Variants in WDR4 observed in about 807,000 individuals in gnomAD.
WDR4 encodes the protein WDR4 tRNA N7-guanosine methyltransferase non-catalytic subunit, also known as tRNA (guanine-N(7)-)-methyltransferase non-catalytic subunit WDR4.
Under a neutral mutation model 48.6 loss-of-function variants are expected in WDR4, and 47 were observed. The ratio of observed to expected loss-of-function variants is 0.97; its 90% CI spans 0.77 to 1.23. The LOEUF (loss-of-function observed/expected upper bound fraction) is 1.23, where lower values mean the gene tolerates loss of function less well. Among genes scored for constraint, WDR4 ranks in the 50% most tolerant of loss-of-function variants. The pLI is 0.00. For synonymous variants in WDR4, 268 were observed against 230.0 expected, an observed-to-expected ratio of 1.17 and a Z score of -1.49; for missense variants, 606 against 551.6, an observed-to-expected ratio of 1.10 and a Z score of -0.99.
Position 42,878,041 on chromosome 21 carries a change from CAAAAAAAA to C in WDR4, c.90-1282_90-1275del, listed in dbSNP as rs60952239. ...GCCTGGGCGACAAAGCGAGACTCCT[CAAAAAAAA>C]AAAAAAAGAAAAAAAAGAAATTATG... On this transcript the variant is annotated intron_variant, in intron 1 of 10. Transcript: ENST00000398208. 6.1e-5 allele frequency among the ~76,000 whole-genome samples: 7 copies of C among 114,856 alleles called. No individual in the cohort carries two copies. The East Asian group carries it at 2.0e-3, about 33-fold the overall frequency. The allele number at this position is 114,856 out of a possible 152,430, so 75.3% of individuals were successfully genotyped here.
At chr21:42,857,563 G>A (rs1163156755) in intron 6 of WDR4, among the ~76,000 whole-genome samples, 1 of 152,160 alleles carries the variant, frequency 6.6e-6, no homozygotes, top group Admixed American at 6.5e-5. Context: ...AGGCCAGGAA[G>A]AAATTGAAGA....
chr21:42,882,222 G>T (rs866912376), upstream of WDR4, among the ~76,000 whole-genome samples: 1 of 148,410 alleles, frequency 6.7e-6, no homozygotes, highest in African/African-American at 2.5e-5. Context: ...ATAAATCATT[G>T]ATTACATTAG....
intron 1 of WDR4, among the ~76,000 whole-genome samples, chr21:42,877,138 ATTTTTTTTT>A (rs35841350): frequency 1.1e-4 from 11 of 97,380 alleles, no homozygotes; most frequent in Non-Finnish European, 2.0e-4. Context: ...CCTGGCCCTA[ATTTTTTTTT>A]TTTTTTTTTT....
At chr21:42,844,695 T>C (rs2057696328), downstream of WDR4, among the ~76,000 whole-genome samples, 3 of 151,712 alleles carry the variant, frequency 2.0e-5, no homozygotes, top group Admixed American at 2.0e-4. Context: ...GGGGCAGGAG[T>C]GCCAGCGAGA....
At chr21:42,868,717 C>G (rs2058305103) in intron 3 of WDR4, among the ~76,000 whole-genome samples, 1 of 152,248 alleles carries the variant, frequency 6.6e-6, no homozygotes, top group African/African-American at 2.4e-5. Context: ...CACTCCACCT[C>G]TGGAGGGGCT....
intron 1 of WDR4, among the ~76,000 whole-genome samples, chr21:42,878,041 CAAAAAAAAA>C (rs60952239): frequency 8.7e-6 from 1 of 114,892 alleles, no homozygotes; most frequent in East Asian, 2.9e-4. Flanking sequence ...CGAGACTCCT[CAAAAAAAAA>C]AAAAAAGAAA....
chr21:42,859,593 A>AGG, intron 6 of WDR4, 69 bp downstream of exon 6: 9 of 553,758 alleles, frequency 1.6e-5, no homozygotes, highest in Non-Finnish European at 2.8e-5. Context: ...CAGGTCCAGG[A>AGG]GGCGCCCACC....
chr21:42,856,562 C>T (rs914718445), intron 6 of WDR4, among the ~76,000 whole-genome samples: 22 of 151,908 alleles, frequency 1.4e-4, no homozygotes, highest in Non-Finnish European at 2.9e-4. Flanking sequence ...AGCCACCATA[C>T]CTGGCTTAAA....
intron 1 of WDR4, 98 bp downstream of exon 1, chr21:42,879,309 A>G: frequency 6.5e-7 from 1 of 1,538,670 alleles, no homozygotes. Flanking sequence ...GTCACCCCAG[A>G]GTGGGTGCGA....
downstream of WDR4, among the ~76,000 whole-genome samples, chr21:42,847,291 A>G (rs2057719126): frequency 6.6e-6 from 1 of 152,206 alleles, no homozygotes; most frequent in Non-Finnish European, 1.5e-5. Context: ...AAGGGGCAAG[A>G]GACAAAACTC....
chr21:42,869,008 G>A (rs2058310616), intron 3 of WDR4, among the ~76,000 whole-genome samples: 1 of 152,150 alleles, frequency 6.6e-6, no homozygotes, highest in Admixed American at 6.6e-5. Flanking sequence ...CACTGCCCTG[G>A]CGGGGGGGAA....
Position 42,849,950 on chromosome 21 carries a change from T to C in WDR4, c.*99A>G, listed in dbSNP as rs900808598. On this transcript the variant is annotated 3_prime_UTR_variant, in exon 11 of 11. Transcript: ENST00000398208. ...CATCCTCTGAGCTGGTCACAACTGA[T>C]GTCACCTTTTCCTTCTTGAAGGGAC... The C allele has an allele frequency of 1.2e-4, 173 of 1,467,262 alleles. No homozygotes were observed. Among genetic ancestry groups the C allele is most frequent in the Non-Finnish European group, 1.6e-4 (167 of 1,068,118 alleles). The allele number at this position is 1,467,262 out of a possible 1,614,324, so 90.9% of individuals were successfully genotyped here.
chr21:42,888,663 TG>T, the WDR4 span, among the ~76,000 whole-genome samples: 1 of 151,834 alleles, frequency 6.6e-6, no homozygotes, highest in Non-Finnish European at 1.5e-5. Flanking sequence ...TTGAAGTATT[TG>T]AGCTCACAAT....
At chr21:42,887,139 A>T in the WDR4 span, among the ~76,000 whole-genome samples, 7 of 151,512 alleles carry the variant, frequency 4.6e-5, no homozygotes, top group African/African-American at 7.3e-5. Context: ...ATTACAGGCA[A>T]GCACCACCAT....
Position 42,863,478 on chromosome 21 carries a change from G to A in WDR4, c.415C>T (p.Arg139Cys), listed in dbSNP as rs1161141882. ...FSVLEPHGCG[R>C]LELGHLSMLL... is the part of the protein sequence containing the mutation. ...ATAGACAGGTGCCCCAGCTCTAGAC[G>A]GCCACACCCGTGTGGCTCCAGCACC... The change falls in exon 4 of 11, where the codon CGT becomes TGT. Residue 139 changes from arginine to cysteine, a missense_variant. By Grantham distance (180) the Arg-to-Cys change is radical. Transcript: ENST00000398208. 6 of 1,612,524 alleles carry A rather than the reference G, an allele frequency of 3.7e-6. No individual in the cohort carries two copies. Among genetic ancestry groups the A allele is most frequent in the Non-Finnish European group, 4.2e-6 (5 of 1,179,494 alleles).
At chr21:42,853,401 C>A (rs1486491107) in intron 9 of WDR4, among the ~76,000 whole-genome samples, 168 bp downstream of exon 9, 1 of 152,240 alleles carries the variant, frequency 6.6e-6, no homozygotes, top group African/African-American at 2.4e-5. Flanking sequence ...TCCCTTCACC[C>A]ACGGTGGAAG....
intron 1 of WDR4, among the ~76,000 whole-genome samples, chr21:42,877,267 C>A (rs868369306): frequency 6.6e-6 from 1 of 151,088 alleles, no homozygotes. Context: ...CCTCAGCCTT[C>A]CCGGTAGCTG....
chr21:42,888,591 A>G, the WDR4 span, among the ~76,000 whole-genome samples: 2 of 150,804 alleles, frequency 1.3e-5, no homozygotes, highest in African/African-American at 2.4e-5. Context: ...AATATCATAC[A>G]TATGTGTTTC....
chr21:42,879,947 T>G (rs1166321035), upstream of WDR4: 1 of 396,816 alleles, frequency 2.5e-6, no homozygotes, highest in African/African-American at 2.1e-5. Flanking sequence ...CTGACCAATA[T>G]GGTGAAACCC....
Sources: gnomAD v4.1 joint callset for allele counts (sites outside exome capture counted in the v4.1 genomes callset) on GRCh38, gnomAD v4.1.1 for gene constraint, MANE v1.5 for transcripts, NCBI Gene and HGNC (gene_info 2026-07-23, HGNC 2026-07-21) for gene names.